The following COL4A2 variants were observed in gnomAD, a reference collection of about 807,000 sequenced individuals.
COL4A2 encodes the protein collagen type IV alpha 2 chain.
COL4A2 carries 99 observed loss-of-function variants against 200.2 expected under a neutral mutation model. That is an observed-to-expected ratio of 0.49 (90% CI 0.42 to 0.58). The LOEUF (loss-of-function observed/expected upper bound fraction) is 0.58. Among genes scored for constraint, COL4A2 ranks in the 20% least tolerant of loss-of-function variants. The probability of loss-of-function intolerance (pLI) is 0.00; values close to 1 mark genes in which losing one functional copy is unlikely to be tolerated. For missense variants in COL4A2, 1,950 were observed against 2,314.1 expected (o/e 0.84, Z 3.23); for synonymous variants, 897 against 900.6 (o/e 1.00, Z 0.07).
chr13:110,330,371 C>T (rs558589564), intron 3 of COL4A2, among the ~76,000 whole-genome samples: 15 of 151,760 alleles, frequency 9.9e-5, no homozygotes, highest in East Asian at 1.9e-4. Context: ...AGGTGGGTGG[C>T]GAGTCGGAAT....
chr13:110,331,277 AG>A (rs1485936727), intron 3 of COL4A2, among the ~76,000 whole-genome samples: 7 of 152,252 alleles, frequency 4.6e-5, no homozygotes, highest in African/African-American at 1.7e-4. Context: ...AGGTAAGAAC[AG>A]GGTTATTTGA....
chr13:110,324,555 G>A (rs902322514), intron 3 of COL4A2, among the ~76,000 whole-genome samples: 12 of 152,200 alleles, frequency 7.9e-5, no homozygotes, highest in African/African-American at 2.7e-4. Context: ...GAGATGGGCC[G>A]GAGCAGCACT....
At chr13:110,363,220 G>A (rs989552563) in intron 4 of COL4A2, among the ~76,000 whole-genome samples, 4 of 152,196 alleles carry the variant, frequency 2.6e-5, no homozygotes, top group African/African-American at 9.7e-5. Flanking sequence ...TGCCCCCTGT[G>A]GCCTGGCAGC....
chr13:110,505,931 C>G (rs928985394), intron 45 of COL4A2, among the ~76,000 whole-genome samples: 9 of 152,268 alleles, frequency 5.9e-5, no homozygotes, highest in South Asian at 2.1e-4. Context: ...AAGGACCCCT[C>G]CTCTGTGCCC....
chr13:110,500,223 C>T (rs1883595252), intron 40 of COL4A2, among the ~76,000 whole-genome samples: 1 of 152,242 alleles, frequency 6.6e-6, no homozygotes, highest in Non-Finnish European at 1.5e-5. Flanking sequence ...ACCACTGTTG[C>T]TACCTTTTCT....
At position 110,458,778 on chromosome 13, in the gene COL4A2, T is replaced by C. The variant is rs375555890; in HGVS notation, c.1440T>C (p.Ala480=). 41 of 1,613,904 alleles carry C rather than the reference T, an allele frequency of 2.5e-5. No individual in the cohort carries two copies. Among genetic ancestry groups the C allele is most frequent in the East Asian group, 4.5e-5 (2 of 44,872 alleles). ...ARGPKGWKGD[A]GECRCTEGDE... ...CCTCTCCCTCCTCTGCAGGTGACGC[T>C]GGGGAATGCAGATGTACAGAAGGCG... Residue 480 remains alanine (A), a synonymous_variant, in exon 22 of 48, where the codon GCT becomes GCC. Coordinates refer to ENST00000360467, the MANE Select transcript of COL4A2 (RefSeq NM_001846.4).
chr13:110,363,256 C>A (rs908946751), intron 4 of COL4A2, among the ~76,000 whole-genome samples: 5 of 152,202 alleles, frequency 3.3e-5, no homozygotes, highest in African/African-American at 1.2e-4. Context: ...GGAGACTATG[C>A]TTCTGGAAGG....
At chr13:110,413,622 C>T (rs1309201065) in intron 4 of COL4A2, among the ~76,000 whole-genome samples, 1 of 152,160 alleles carries the variant, frequency 6.6e-6, no homozygotes, top group African/African-American at 2.4e-5. Context: ...ACTGTGCCAG[C>T]GTGGGAAGGG....
chr13:110,329,348 A>C (rs1186162803), intron 3 of COL4A2, among the ~76,000 whole-genome samples: 1 of 152,212 alleles, frequency 6.6e-6, no homozygotes, highest in Non-Finnish European at 1.5e-5. Flanking sequence ...CTTTAAGAAA[A>C]AACATACTTG....
At position 110,506,433 on chromosome 13, in the gene COL4A2, G is replaced by A. The variant is rs1413761550; in HGVS notation, c.4421G>A (p.Gly1474Glu). 2 of 1,611,460 alleles carry A rather than the reference G, an allele frequency of 1.2e-6. No individual in the cohort carries two copies. The highest frequency in any genetic ancestry group is 2.7e-5 in the African/African-American group (2 of 74,976). The change falls in exon 46 of 48, where the codon GGG (glycine) becomes GAG (glutamate). Residue 1474 changes from glycine (G) to glutamate (E), a missense_variant. Coordinates refer to ENST00000360467, the MANE Select transcript of COL4A2 (RefSeq NM_001846.4). The stretch of plus-strand genomic sequence containing the variant: ...GCTGCAGGTGCACCAGGCCGTCCAG[G>A]GAGCCCGGGCCTGCCGGGTATGCCA... ...IGQEGAPGRPGSPGLPGMPGR... is the reference protein window; with the variant it reads ...IGQEGAPGRPESPGLPGMPGR...
intron 4 of COL4A2, among the ~76,000 whole-genome samples, chr13:110,406,782 C>T (rs1927349): frequency 0.61 from 92,839 of 152,082 alleles, 28,592 homozygotes; most frequent in Non-Finnish European, 0.66. Context: ...ATTTAAGAAG[C>T]ATGTATGTAT....
At chr13:110,402,054 T>C (rs568136075) in intron 4 of COL4A2, among the ~76,000 whole-genome samples, 1 of 152,292 alleles carries the variant, frequency 6.6e-6, no homozygotes, top group Non-Finnish European at 1.5e-5. Flanking sequence ...TCCGTAACAT[T>C]TCACCCCTAA....
chr13:110,433,026 C>T (rs1880739265), intron 11 of COL4A2, among the ~76,000 whole-genome samples: 1 of 152,246 alleles, frequency 6.6e-6, no homozygotes, highest in Non-Finnish European at 1.5e-5. Context: ...CAACATAATT[C>T]AGAAATGCTG....
At chr13:110,449,894 AC>A in intron 19 of COL4A2, 105 bp downstream of exon 19, 2 of 1,241,426 alleles carry the variant, frequency 1.6e-6, no homozygotes, top group South Asian at 2.7e-5. Context: ...TGTCGTTGTT[AC>A]TTTTCCCCAC....
intron 4 of COL4A2, among the ~76,000 whole-genome samples, chr13:110,417,535 T>C (rs1028348313): frequency 1.3e-5 from 2 of 152,192 alleles, no homozygotes; most frequent in Non-Finnish European, 2.9e-5. Context: ...TATTGACAAA[T>C]GTATACAGCG....
At chr13:110,316,380 G>A (rs1306984620) in intron 3 of COL4A2, among the ~76,000 whole-genome samples, 1 of 152,174 alleles carries the variant, frequency 6.6e-6, no homozygotes, top group South Asian at 2.1e-4. Context: ...AGGAGATGCC[G>A]ATTGGCAGCC....
chr13:110,392,779 A>G (rs1341579475), intron 4 of COL4A2, among the ~76,000 whole-genome samples: 2 of 152,184 alleles, frequency 1.3e-5, no homozygotes, highest in Non-Finnish European at 2.9e-5. Flanking sequence ...GGTGCCCTCT[A>G]TCCTCCCTCC....
intron 4 of COL4A2, among the ~76,000 whole-genome samples, chr13:110,383,249 C>T (rs1274116960): frequency 3.3e-5 from 5 of 152,028 alleles, no homozygotes; most frequent in Non-Finnish European, 7.4e-5. Context: ...ATAGGACACT[C>T]GTTATTTTCT....
intron 28 of COL4A2, among the ~76,000 whole-genome samples, 199 bp from the exon 29 acceptor site, chr13:110,472,730 G>T (rs116164120): frequency 0.012 from 1,824 of 152,204 alleles, 34 homozygotes; most frequent in African/African-American, 0.039. Context: ...GGGGCAAGCA[G>T]AAGAAACATA....
Sources: gnomAD v4.1 joint callset for allele counts (sites outside exome capture counted in the v4.1 genomes callset) on GRCh38, gnomAD v4.1.1 for gene constraint, MANE v1.5 for transcripts, NCBI Gene and HGNC (gene_info 2026-07-23, HGNC 2026-07-21) for gene names.